REEP2: variants seen among roughly 807,000 people sequenced by gnomAD.
REEP2 encodes the protein receptor expression-enhancing protein 2.
Under a neutral mutation model 32.1 loss-of-function variants are expected in REEP2, and 9 were observed. The observed-to-expected ratio is 0.28, with a 90% CI of 0.17 to 0.49. REEP2 has a LOEUF of 0.49. Ranked by LOEUF, REEP2 falls within the 20% of genes least tolerant of loss-of-function variation. The pLI is 0.99. For synonymous variants in REEP2, 128 were observed against 139.1 expected (o/e 0.92, Z 0.56); for missense variants, 236 against 338.0 (o/e 0.70, Z 2.37).
rs1561805660 is a variant in REEP2, at chr5:138,441,228, G to C, written c.105+140G>C. ...GACCCACCAGCAAAGGAGGGCCCTGGGTGTCCCACACAGCGCCTCCAACAT... is the reference window on the plus strand; with the variant it reads ...GACCCACCAGCAAAGGAGGGCCCTGCGTGTCCCACACAGCGCCTCCAACAT... On this transcript the variant is annotated intron_variant, in intron 2 of 7. Coordinates refer to ENST00000378339, the MANE Select transcript of REEP2 (RefSeq NM_001271803.2). This position sits in a 1 kb window ranked among gnomAD's most constrained non-coding sequence, Gnocchi z 4.4. 1 of 1,328,996 alleles carries C rather than the reference G, an allele frequency of 7.5e-7. No individual in the cohort carries two copies. Among genetic ancestry groups the C allele is most frequent in the South Asian group, 1.2e-5 (1 of 81,366 alleles). 82.3% of individuals were successfully genotyped at this position (1,328,996 alleles called of 1,614,324 possible).
intron 1 of REEP2, 62 bp downstream of exon 1, chr5:138,439,302 C>G: frequency 1.4e-6 from 2 of 1,388,336 alleles, no homozygotes; most frequent in Non-Finnish European, 9.4e-7. Flanking sequence ...TGTTAAAGCC[C>G]GGGTGGACTT....
chr5:138,439,846 T>C (rs1763789447), intron 1 of REEP2: 1 of 439,882 alleles, frequency 2.3e-6, no homozygotes, highest in Non-Finnish European at 4.6e-6. Flanking sequence ...AGAGGGGATG[T>C]GTGTGCTCAG....
chr5:138,445,048 C>T (rs1433093273), intron 5 of REEP2, 180 bp from the exon 6 acceptor site: 4 of 808,618 alleles, frequency 4.9e-6, no homozygotes, highest in East Asian at 5.2e-5. Flanking sequence ...GGCCATTTCC[C>T]CATCTGTCCC....
chr5:138,445,108 A>G lies in REEP2; in HGVS notation c.418-120A>G, dbSNP rs1763900852. The stretch of plus-strand genomic sequence containing the variant: ...CAGCCCTCAGCTCTGTCTGTGTGGG[A>G]CTGGGTGAGGACAGTGTGGGGAGGG... On this transcript the variant is annotated intron_variant, in intron 5 of 7. Coordinates refer to ENST00000378339, the MANE Select transcript of REEP2 (RefSeq NM_001271803.2). 11 of 1,139,458 alleles carry G rather than the reference A, an allele frequency of 9.7e-6. No homozygotes were observed. In the East Asian group the frequency reaches 2.4e-4, roughly 25 times the overall value. The allele number at this position is 1,139,458 out of a possible 1,614,324, so 70.6% of individuals were successfully genotyped here.
rs1763827462 is a variant in REEP2 at position 138,441,548 on chromosome 5, G to T, written c.182+87G>T. The T allele has an allele frequency of 1.7e-6, 2 of 1,147,890 alleles. No homozygotes were observed. Among genetic ancestry groups the T allele is most frequent in the East Asian group, 2.4e-5 (1 of 42,280 alleles). The allele number at this position is 1,147,890 out of a possible 1,614,324, so 71.1% of individuals were successfully genotyped here. ...CCAGCCAAACAAAAGACTGGGCCTG[G>T]GGGTGAAGCTCCTCCCATTCCTGAC... is the stretch of plus-strand genomic sequence containing the variant. On this transcript the variant is annotated intron_variant, in intron 3 of 7. Transcript: ENST00000378339. The surrounding 1 kb of genome is among the most constrained non-coding windows in gnomAD (Gnocchi z 4.4).
chr5:138,445,891 C>G lies in REEP2; in HGVS notation c.*140C>G. The G allele has an allele frequency of 1.3e-6, 1 of 758,952 alleles. No individual in the cohort carries two copies. Among genetic ancestry groups the G allele is most frequent in the Non-Finnish European group, 2.1e-6 (1 of 468,340 alleles). 47.0% of individuals were successfully genotyped at this position (758,952 alleles called of 1,614,324 possible). On this transcript the variant is annotated 3_prime_UTR_variant, in exon 8 of 8. Transcript: ENST00000378339. Reference sequence around the variant, plus strand: ...GCAGATGGCCATTTCCGGTGCCTGCCCAGTGGCCACTCTTCTGGAAGGGGC... The same window carrying G: ...GCAGATGGCCATTTCCGGTGCCTGCGCAGTGGCCACTCTTCTGGAAGGGGC...
Position 138,441,265 on chromosome 5 carries a change from A to G in REEP2, c.106-120A>G. 7.9e-7 allele frequency: 1 copy of G among 1,266,390 alleles called. No homozygotes were observed. Among genetic ancestry groups the G allele is most frequent in the Non-Finnish European group, 1.1e-6 (1 of 870,894 alleles). 78.4% of individuals were successfully genotyped at this position (1,266,390 alleles called of 1,614,324 possible). ...AGCGCCTCCAACATGGCTGGCAGGC[A>G]GAAGTGGGGTCCTTGGTGTTCTCCC... On this transcript the variant is annotated intron_variant, in intron 2 of 7. Coordinates refer to ENST00000378339, the MANE Select transcript of REEP2 (RefSeq NM_001271803.2). This position sits in a 1 kb window ranked among gnomAD's most constrained non-coding sequence, Gnocchi z 4.4.
chr5:138,440,453 C>T (rs765919981), intron 1 of REEP2, among the ~76,000 whole-genome samples: 1 of 152,220 alleles, frequency 6.6e-6, no homozygotes, highest in Non-Finnish European at 1.5e-5. Context: ...CCCCTGAGCC[C>T]TGTCCCTGTG....
intron 1 of REEP2, among the ~76,000 whole-genome samples, chr5:138,439,453 C>T (rs1377655123): frequency 6.6e-6 from 1 of 152,154 alleles, no homozygotes. Flanking sequence ...AGGGACCTCA[C>T]CCACATTCTT....
chr5:138,440,262 A>T (rs1024640603), intron 1 of REEP2, among the ~76,000 whole-genome samples: 1 of 151,800 alleles, frequency 6.6e-6, no homozygotes, highest in Admixed American at 6.5e-5. Flanking sequence ...GTCCTGGTTT[A>T]CTCTAGACTC....
At position 138,445,925 on chromosome 5, in the gene REEP2, G is replaced by A. The variant is rs1343596822; in HGVS notation, c.*174G>A. The A allele has an allele frequency of 6.1e-6, 4 of 659,662 alleles. No homozygotes were observed. The highest frequency in any genetic ancestry group is 3.0e-5 in the Admixed American group (1 of 33,564). 40.9% of individuals were successfully genotyped at this position (659,662 alleles called of 1,614,324 possible). A position where few individuals can be genotyped will look rare whatever the true frequency, so the allele number is the denominator to read the frequency against. On this transcript the variant is annotated 3_prime_UTR_variant, in exon 8 of 8. Coordinates refer to ENST00000378339, the MANE Select transcript of REEP2 (RefSeq NM_001271803.2). ...ACTCTTCTGGAAGGGGCTTGGAAAAGAGGAAGGAGGCCCAGCTGTGGGGGT... is the reference window on the plus strand; with the variant it reads ...ACTCTTCTGGAAGGGGCTTGGAAAAAAGGAAGGAGGCCCAGCTGTGGGGGT...
chr5:138,440,987 AG>A, intron 1 of REEP2, 28 bp from the exon 2 acceptor site: 1 of 1,610,212 alleles, frequency 6.2e-7, no homozygotes, highest in South Asian at 1.1e-5. Context: ...CTTGGCTGAG[AG>A]GCCCAGTAAC....
At chr5:138,440,056 T>A (rs1291032605) in intron 1 of REEP2, among the ~76,000 whole-genome samples, 1 of 152,210 alleles carries the variant, frequency 6.6e-6, no homozygotes, top group East Asian at 1.9e-4. Flanking sequence ...GTATCCCTCC[T>A]GTCCATGTGG....
At chr5:138,444,169 A>C (rs190253336) in intron 3 of REEP2, among the ~76,000 whole-genome samples, 1 of 152,124 alleles carries the variant, frequency 6.6e-6, no homozygotes, top group East Asian at 1.9e-4. Context: ...GGAGAGGATG[A>C]GGCCAGGAGA....
Position 138,439,240 on chromosome 5 carries a change from T to A in REEP2, c.32T>A (p.Val11Glu). Residue 11 changes from valine (V) to glutamate (E), a missense_variant and splice_region_variant, in exon 1 of 8, where the codon GTG becomes GAG. Physicochemically the swap from Val to Glu is moderately radical, Grantham distance 121. Transcript: ENST00000378339. MVSWIISRLV[V>E]LIFGTLYPAY... ...TCCTGGATCATCTCTCGCCTGGTGG[T>A]GTGAGTGCGGCGGCGGCGGGGGGTG... is the stretch of plus-strand genomic sequence containing the variant. The A allele has an allele frequency of 1.4e-6, 2 of 1,419,202 alleles. No individual in the cohort carries two copies. The highest frequency in any genetic ancestry group is 1.8e-6 in the Non-Finnish European group (2 of 1,088,170). The allele number at this position is 1,419,202 out of a possible 1,614,324, so 87.9% of individuals were successfully genotyped here. A position where few individuals can be genotyped will look rare whatever the true frequency, so the allele number is the denominator to read the frequency against.
rs202234367 is a variant in REEP2 at position 138,444,737 on chromosome 5, C to T, written c.304-17C>T. 12 of 1,607,694 alleles carry T rather than the reference C, an allele frequency of 7.5e-6. No individual in the cohort carries two copies. The South Asian group carries it at 1.3e-4, about 18-fold the overall frequency. ...GGCAGGACCTCTCCTCTTCTCCCTT[C>T]CCCTCCAATCCCATAGGAGATCGAC... On this transcript the variant is annotated splice_polypyrimidine_tract_variant and intron_variant, in intron 4 of 7. Coordinates refer to ENST00000378339, the MANE Select transcript of REEP2 (RefSeq NM_001271803.2).
Position 138,446,780 on chromosome 5 carries a change from C to G in REEP2, c.*1029C>G, listed in dbSNP as rs978728061. 1 of 152,328 alleles carries G rather than the reference C, an allele frequency of 6.6e-6. No individual in the cohort carries two copies. The highest frequency in any genetic ancestry group is 2.4e-5 in the African/African-American group (1 of 41,446). 9.4% of individuals were successfully genotyped at this position (152,328 alleles called of 1,614,324 possible). On this transcript the variant is annotated 3_prime_UTR_variant, in exon 8 of 8. Coordinates refer to ENST00000378339, the MANE Select transcript of REEP2 (RefSeq NM_001271803.2). ...ACCAAGCAGACTGGGCCCTAAGACC[C>G]CTGGCAGAACCCAGCCTCTGCTCAC...
rs1198853550 is a variant in REEP2, at chr5:138,440,861, A to G, written c.33-155A>G. On this transcript the variant is annotated intron_variant, in intron 1 of 7. Coordinates refer to ENST00000378339, the MANE Select transcript of REEP2 (RefSeq NM_001271803.2). ...CACCCTACCTGGCTGGGCATGTTCCATGCTGCTTTGACCTTAACCCCTGAC... is the reference window on the plus strand; with the variant it reads ...CACCCTACCTGGCTGGGCATGTTCCGTGCTGCTTTGACCTTAACCCCTGAC... 1.8e-5 allele frequency: 25 copies of G among 1,424,132 alleles called. No homozygotes were observed. In the Admixed American group the frequency reaches 1.8e-4, roughly 10 times the overall value. 88.2% of individuals were successfully genotyped at this position (1,424,132 alleles called of 1,614,324 possible). A position where few individuals can be genotyped will look rare whatever the true frequency, so the allele number is the denominator to read the frequency against.
At chr5:138,444,977 A>ATGCAGCTGGAGGCTCCAGTCCAGGCTC in intron 5 of REEP2, 110 bp downstream of exon 5, 1 of 835,362 alleles carries the variant, frequency 1.2e-6, no homozygotes, top group Non-Finnish European at 1.8e-6. Context: ...CTCTGGGCTC[A>ATGCAGCTGGAGGCTCCAGTCCAGGCTC]TGCAGCTGGA....
Sources: gnomAD v4.1 joint callset for allele counts (sites outside exome capture counted in the v4.1 genomes callset) on GRCh38, gnomAD v4.1.1 for gene constraint, Gnocchi (gnomAD v3.1) non-coding constraint, MANE v1.5 for transcripts, NCBI Gene and HGNC (gene_info 2026-07-23, HGNC 2026-07-21) for gene names.